MTUS2: variants seen among roughly 807,000 people sequenced by gnomAD.
MTUS2 encodes the protein microtubule-associated tumor suppressor candidate 2.
MTUS2 carries 40 observed loss-of-function variants against 114.1 expected under a neutral mutation model. The observed-to-expected ratio is 0.35, with a 90% CI of 0.27 to 0.46. The LOEUF (loss-of-function observed/expected upper bound fraction) is 0.46, where lower values mean the gene tolerates loss of function less well. MTUS2 is among the 20% of genes least tolerant of loss of function. The pLI is 1.00. For missense variants in MTUS2, 1,679 were observed against 1,705.4 expected (o/e 0.98, Z 0.27); for synonymous variants, 688 against 672.0 (o/e 1.02, Z -0.37).
chr13:29,360,101 C>G (rs2138231598), intron 8 of MTUS2, among the ~76,000 whole-genome samples: 1 of 152,318 alleles, frequency 6.6e-6, no homozygotes, highest in East Asian at 1.9e-4. Flanking sequence ...AGCATCCCAG[C>G]CTTTCCCCAG....
chr13:29,479,772 C>T lies in MTUS2; in HGVS notation c.3185-378C>T, dbSNP rs149841607. On this transcript the variant is annotated intron_variant, in intron 9 of 15. Coordinates refer to ENST00000612955, the MANE Select transcript of MTUS2 (RefSeq NM_001033602.4). ...CTCATGGGCTCTGATTCACCCAGGG[C>T]GTATTTCAGAGTCTACATTTTTACC... 3.8e-3 allele frequency among the ~76,000 whole-genome samples: 573 copies of T among 152,292 alleles called. 4 individuals are homozygous for T. Among genetic ancestry groups the T allele is most frequent in the African/African-American group, 0.013 (539 of 41,572 alleles).
chr13:29,070,954 A>G (rs1888891621), intron 4 of MTUS2, among the ~76,000 whole-genome samples: 1 of 149,846 alleles, frequency 6.7e-6, no homozygotes, highest in South Asian at 2.1e-4. Flanking sequence ...AATTTCTAAG[A>G]ATGCCTTCTT....
At chr13:28,925,849 TG>T (rs1303208009) in intron 2 of MTUS2, among the ~76,000 whole-genome samples, 3 of 152,210 alleles carry the variant, frequency 2.0e-5, no homozygotes, top group African/African-American at 7.2e-5. Context: ...TTTCTTGTGG[TG>T]GATGGTTGCT....
At chr13:29,090,975 A>G (rs1056496629) in intron 4 of MTUS2, among the ~76,000 whole-genome samples, 6 of 152,062 alleles carry the variant, frequency 3.9e-5, no homozygotes, top group African/African-American at 1.4e-4. Flanking sequence ...AGGTCTGTGG[A>G]GAGAGTAGTC....
chr13:29,281,677 A>G (rs529142497), intron 5 of MTUS2, 27 bp from the exon 6 acceptor site: 1 of 1,568,212 alleles, frequency 6.4e-7, no homozygotes, highest in Non-Finnish European at 8.7e-7. Context: ...ATGAAGTTAT[A>G]ATTAACACGC....
At chr13:28,883,729 A>G (rs1566196604) in intron 2 of MTUS2, among the ~76,000 whole-genome samples, 1 of 152,150 alleles carries the variant, frequency 6.6e-6, no homozygotes, top group Non-Finnish European at 1.5e-5. Flanking sequence ...GATTGTGGCC[A>G]TGGTTACATG....
intron 9 of MTUS2, among the ~76,000 whole-genome samples, chr13:29,468,180 AG>A (rs1184810020): frequency 1.3e-5 from 2 of 152,192 alleles, no homozygotes; most frequent in Non-Finnish European, 2.9e-5. Flanking sequence ...TTACTAAAAA[AG>A]AGCTTTAAAC....
intron 5 of MTUS2, among the ~76,000 whole-genome samples, chr13:29,176,407 T>C (rs1429947968): frequency 6.6e-6 from 1 of 152,162 alleles, no homozygotes; most frequent in African/African-American, 2.4e-5. Flanking sequence ...CTCCCTACTG[T>C]GGTGTCCGTT....
intron 5 of MTUS2, among the ~76,000 whole-genome samples, chr13:29,224,274 A>C (rs2139334246): frequency 6.6e-6 from 1 of 152,250 alleles, no homozygotes; most frequent in African/African-American, 2.4e-5. Flanking sequence ...AATATATTGT[A>C]ATTTACTTCA....
At chr13:29,488,678 T>G (rs1881826616) in intron 11 of MTUS2, among the ~76,000 whole-genome samples, 1 of 152,156 alleles carries the variant, frequency 6.6e-6, no homozygotes, top group South Asian at 2.1e-4. Flanking sequence ...ATACACTTTC[T>G]TCATATTTAT....
At chr13:29,232,726 T>C (rs1896383974) in intron 5 of MTUS2, among the ~76,000 whole-genome samples, 1 of 152,214 alleles carries the variant, frequency 6.6e-6, no homozygotes, top group South Asian at 2.1e-4. Flanking sequence ...TAGTACTGTC[T>C]GGGTTTCCTC....
At position 29,212,320 on chromosome 13, in the gene MTUS2, T is replaced by TAA. The variant is rs148432103; in HGVS notation, c.2645-69376_2645-69375dup. ...GGTTGGAGAACATACTTTGGATGATTAAAAAAAAACCCTATTCCTCTCCTC... is the reference window on the plus strand; with the variant it reads ...GGTTGGAGAACATACTTTGGATGATTAAAAAAAAAAACCCTATTCCTCTCCTC... On this transcript the variant is annotated intron_variant, in intron 5 of 15. Transcript: ENST00000612955. Among the ~76,000 whole-genome samples, 3 of 150,094 alleles carry TAA rather than the reference T, an allele frequency of 2.0e-5. No individual in the cohort carries two copies. The East Asian group carries it at 5.9e-4, about 29-fold the overall frequency.
At chr13:28,876,999 ATACT>A (rs1387205776) in intron 2 of MTUS2, among the ~76,000 whole-genome samples, 2 of 152,088 alleles carry the variant, frequency 1.3e-5, no homozygotes, top group African/African-American at 4.8e-5. Flanking sequence ...ACTTTAAAAA[ATACT>A]TATTTAAGGC....
chr13:29,502,866 G>A (rs1440291187), intron 15 of MTUS2, 127 bp from the exon 16 acceptor site: 1 of 881,834 alleles, frequency 1.1e-6, no homozygotes, highest in African/African-American at 1.7e-5. Flanking sequence ...TGGTCACTGG[G>A]TCACCCTGGT....
chr13:29,237,968 T>C (rs1896597283), intron 5 of MTUS2, among the ~76,000 whole-genome samples: 1 of 152,096 alleles, frequency 6.6e-6, no homozygotes, highest in South Asian at 2.1e-4. Flanking sequence ...ATACTGTTGG[T>C]TGGGATATGA....
chr13:29,160,563 G>A (rs1416216472), intron 5 of MTUS2, among the ~76,000 whole-genome samples: 1 of 152,166 alleles, frequency 6.6e-6, no homozygotes, highest in Non-Finnish European at 1.5e-5. Flanking sequence ...GAGGTCAGGA[G>A]ATCGAGACCA....
intron 2 of MTUS2, among the ~76,000 whole-genome samples, chr13:28,848,733 A>G (rs1196647828): frequency 1.3e-5 from 2 of 152,150 alleles, no homozygotes; most frequent in African/African-American, 4.8e-5. Context: ...GCTGTTGACG[A>G]GGAGATATTT....
intron 4 of MTUS2, among the ~76,000 whole-genome samples, chr13:29,073,137 T>C (rs1378829124): frequency 6.6e-6 from 1 of 152,198 alleles, no homozygotes; most frequent in Non-Finnish European, 1.5e-5. Flanking sequence ...CTTTCAATGA[T>C]ACAACACGAC....
chr13:29,182,734 T>C (rs1894058059), intron 5 of MTUS2, among the ~76,000 whole-genome samples: 1 of 152,204 alleles, frequency 6.6e-6, no homozygotes, highest in Non-Finnish European at 1.5e-5. Context: ...TCTGAGAGTA[T>C]GAGTTCAGGA....
Sources: gnomAD v4.1 joint callset for allele counts (sites outside exome capture counted in the v4.1 genomes callset) on GRCh38, gnomAD v4.1.1 for gene constraint, MANE v1.5 for transcripts, NCBI Gene and HGNC (gene_info 2026-07-23, HGNC 2026-07-21) for gene names.